Variants in NAALADL2 observed in about 807,000 individuals in gnomAD.
NAALADL2 encodes N-acetylated alpha-linked acidic dipeptidase like 2.
Under a neutral mutation model 87.2 loss-of-function variants are expected in NAALADL2, and 76 were observed. The ratio of observed to expected loss-of-function variants is 0.87; its 90% CI spans 0.72 to 1.05. The LOEUF is 1.05. Ranked by LOEUF, NAALADL2 falls within the 50% of genes least tolerant of loss-of-function variation. The probability of loss-of-function intolerance (pLI) is 0.00; values close to 1 mark genes in which losing one functional copy is unlikely to be tolerated. For synonymous variants in NAALADL2, 354 were observed against 331.0 expected (o/e 1.07, Z -0.75); for missense variants, 1,089 against 945.8 (o/e 1.15, Z -1.99).
At chr3:175,736,021 G>T (rs1038182636) in intron 11 of NAALADL2, among the ~76,000 whole-genome samples, 1 of 152,110 alleles carries the variant, frequency 6.6e-6, no homozygotes, top group Non-Finnish European at 1.5e-5. Context: ...TGCCTTCAGG[G>T]TTATAAGATA....
At chr3:174,519,265 TATTAAG>T (rs1720116063) in intron 1 of NAALADL2, among the ~76,000 whole-genome samples, 1 of 151,690 alleles carries the variant, frequency 6.6e-6, no homozygotes, top group African/African-American at 2.4e-5. Flanking sequence ...AAAGCTTCAA[TATTAAG>T]ATTAAGATTA....
intron 2 of NAALADL2, among the ~76,000 whole-genome samples, chr3:174,668,654 G>A (rs1316523122): frequency 2.6e-5 from 4 of 152,028 alleles, no homozygotes; most frequent in African/African-American, 9.7e-5. Flanking sequence ...TCCCACCTAT[G>A]AGTGAGAACA....
At chr3:175,707,273 A>G (rs1479815535) in intron 11 of NAALADL2, among the ~76,000 whole-genome samples, 1 of 152,148 alleles carries the variant, frequency 6.6e-6, no homozygotes, top group Non-Finnish European at 1.5e-5. Context: ...GAATAGACAT[A>G]GCTGTATTCC....
chr3:174,863,811 A>G (rs760577138), intron 1 of NAALADL2: 2 of 279,768 alleles, frequency 7.1e-6, no homozygotes, highest in Non-Finnish European at 1.4e-5. Context: ...CTTCCTTCCC[A>G]GCCTACAGAA....
chr3:175,380,822 A>G (rs557271928), intron 5 of NAALADL2, among the ~76,000 whole-genome samples: 2 of 152,246 alleles, frequency 1.3e-5, no homozygotes, highest in South Asian at 2.1e-4. Context: ...TACAGAGTAT[A>G]CGAACTCTGT....
At chr3:175,494,693 G>A (rs138959368) in intron 9 of NAALADL2, among the ~76,000 whole-genome samples, 46 of 151,998 alleles carry the variant, frequency 3.0e-4, no homozygotes, top group Non-Finnish European at 5.4e-4. Context: ...ATTTCCAATC[G>A]GTACCTAGGA....
At chr3:175,686,713 C>T (rs1452257039) in intron 11 of NAALADL2, among the ~76,000 whole-genome samples, 1 of 152,058 alleles carries the variant, frequency 6.6e-6, no homozygotes, top group African/African-American at 2.4e-5. Flanking sequence ...CAAATGGTTT[C>T]AAACAGCTTC....
chr3:175,377,747 G>T (rs745926586), intron 5 of NAALADL2, among the ~76,000 whole-genome samples: 6 of 152,154 alleles, frequency 3.9e-5, no homozygotes, highest in Non-Finnish European at 8.8e-5. Flanking sequence ...GACAGACAAG[G>T]AGCAGCTGGA....
intron 2 of NAALADL2, among the ~76,000 whole-genome samples, chr3:175,153,268 T>TC (rs568241140): frequency 2.2e-3 from 336 of 152,280 alleles, no homozygotes; most frequent in Non-Finnish European, 4.2e-3. Context: ...CCTCCCAGTC[T>TC]CCAGCTGCTG....
chr3:175,785,867 A>G (rs139426341), intron 13 of NAALADL2, among the ~76,000 whole-genome samples: 101,644 of 145,914 alleles, frequency 0.7, 36,221 homozygotes, highest in East Asian at 0.89. Flanking sequence ...TGTGTTTAGC[A>G]CTTCCTTCAG....
At chr3:175,063,263 TGTTA>T (rs1713890762) in intron 1 of NAALADL2, among the ~76,000 whole-genome samples, 1 of 152,166 alleles carries the variant, frequency 6.6e-6, no homozygotes, top group African/African-American at 2.4e-5. Flanking sequence ...TTTTATCGCT[TGTTA>T]GTTAAATAGT....
intron 1 of NAALADL2, among the ~76,000 whole-genome samples, chr3:174,524,835 C>T (rs752983451): frequency 6.6e-5 from 10 of 152,196 alleles, no homozygotes; most frequent in South Asian, 2.1e-4. Context: ...CCACCATGCG[C>T]GGCCTATAAG....
At chr3:174,600,831 A>C (rs1349383874) in intron 2 of NAALADL2, among the ~76,000 whole-genome samples, 3 of 152,194 alleles carry the variant, frequency 2.0e-5, no homozygotes, top group Admixed American at 6.6e-5. Context: ...TTATGAGAAT[A>C]GCACCAAAAG....
intron 5 of NAALADL2, among the ~76,000 whole-genome samples, chr3:175,326,174 A>T (rs534264163): frequency 3.3e-4 from 50 of 152,360 alleles, no homozygotes; most frequent in Non-Finnish European, 8.8e-5. Context: ...GCCCTACGGC[A>T]TGGACACAAT....
chr3:174,630,535 A>G (rs1384037106), intron 2 of NAALADL2, among the ~76,000 whole-genome samples: 1 of 152,208 alleles, frequency 6.6e-6, no homozygotes, highest in Non-Finnish European at 1.5e-5. Flanking sequence ...AAACATTTGC[A>G]TCATGGTTCA....
intron 13 of NAALADL2, among the ~76,000 whole-genome samples, chr3:175,768,172 A>G (rs7609843): frequency 0.038 from 5,855 of 152,232 alleles, 207 homozygotes; most frequent in African/African-American, 0.088. Context: ...TGGTTAGGCT[A>G]TCAGGATACT....
At chr3:175,293,487 C>A (rs1427092394) in intron 4 of NAALADL2, among the ~76,000 whole-genome samples, 2 of 152,116 alleles carry the variant, frequency 1.3e-5, no homozygotes, top group African/African-American at 4.8e-5. Flanking sequence ...CCAAACAGTA[C>A]ATTTTTTTGA....
At chr3:175,178,577 C>T (rs1351923315) in intron 2 of NAALADL2, among the ~76,000 whole-genome samples, 2 of 151,992 alleles carry the variant, frequency 1.3e-5, no homozygotes, top group African/African-American at 4.8e-5. Context: ...GCTGGAAAAA[C>T]AGTGCTTTAA....
At position 175,033,888 on chromosome 3, in the gene NAALADL2, A is replaced by G. The variant is rs1753084016; in HGVS notation, c.44-62902A>G. On this transcript the variant is annotated intron_variant, in intron 1 of 13. Coordinates refer to ENST00000454872, the MANE Select transcript of NAALADL2 (RefSeq NM_207015.3). ...TCTTTGCTGAACTTGAGACTCATATATAGAGCTGCCTATTTGACATTATCA... is the reference window on the plus strand; with the variant it reads ...TCTTTGCTGAACTTGAGACTCATATGTAGAGCTGCCTATTTGACATTATCA... Among the ~76,000 whole-genome samples, 5 of 152,306 alleles carry G rather than the reference A, an allele frequency of 3.3e-5. 1 individual carries two copies. The South Asian group carries it at 1.0e-3, about 32-fold the overall frequency.
Sources: gnomAD v4.1 joint callset for allele counts (sites outside exome capture counted in the v4.1 genomes callset) on GRCh38, gnomAD v4.1.1 for gene constraint, MANE v1.5 for transcripts, NCBI Gene and HGNC (gene_info 2026-07-23, HGNC 2026-07-21) for gene names.